PPFIA2: variants seen among roughly 807,000 people sequenced by gnomAD.
PPFIA2 encodes the protein PPFI scaffold protein A2.
In PPFIA2, 46 loss-of-function variants were observed where a neutral mutation model predicts 175.5. The observed-to-expected ratio is 0.26, with a 90% CI of 0.21 to 0.34. The LOEUF (loss-of-function observed/expected upper bound fraction) is 0.34. Among genes scored for constraint, PPFIA2 ranks in the 10% least tolerant of loss-of-function variants. The probability of loss-of-function intolerance (pLI) is 1.00; values close to 1 mark genes in which losing one functional copy is unlikely to be tolerated. For missense variants in PPFIA2, 1,179 were observed against 1,506.1 expected, an observed-to-expected ratio of 0.78 and a Z score of 3.60; for synonymous variants, 568 against 511.4, an observed-to-expected ratio of 1.11 and a Z score of -1.49.
At chr12:81,317,752 T>C (rs1265335169) in intron 22 of PPFIA2, among the ~76,000 whole-genome samples, 6 of 151,690 alleles carry the variant, frequency 4.0e-5, no homozygotes, top group Admixed American at 4.0e-4. Context: ...GTATTTTAAA[T>C]ACTTACAATA....
At chr12:81,270,284 C>T (rs1306770672) in intron 28 of PPFIA2, among the ~76,000 whole-genome samples, 3 of 152,068 alleles carry the variant, frequency 2.0e-5, no homozygotes, top group African/African-American at 7.2e-5. Context: ...TTGTATTTCT[C>T]ATTTTTGTTC....
At chr12:81,437,286 G>T (rs2049238938) in intron 7 of PPFIA2, among the ~76,000 whole-genome samples, 1 of 152,162 alleles carries the variant, frequency 6.6e-6, no homozygotes, top group African/African-American at 2.4e-5. Context: ...CTGGAGTGCA[G>T]TGGCGCGATC....
intron 21 of PPFIA2, among the ~76,000 whole-genome samples, chr12:81,338,681 A>AT (rs911246244): frequency 4.5e-4 from 68 of 152,126 alleles, no homozygotes; most frequent in African/African-American, 1.6e-3. Context: ...ATTCTTTTTA[A>AT]TTTTTTGTAG....
intron 8 of PPFIA2, among the ~76,000 whole-genome samples, chr12:81,392,502 G>A (rs571872844): frequency 5.9e-5 from 9 of 151,908 alleles, no homozygotes; most frequent in South Asian, 2.1e-4. Context: ...GTAGGGGGTC[G>A]TCAAAGATGA....
intron 7 of PPFIA2, among the ~76,000 whole-genome samples, chr12:81,420,844 C>T (rs1325676958): frequency 6.6e-6 from 1 of 150,962 alleles, no homozygotes; most frequent in African/African-American, 2.4e-5. Flanking sequence ...TAAGATCAAC[C>T]CCAAAACACT....
At chr12:81,632,509 T>C (rs1181043189) in intron 4 of PPFIA2, among the ~76,000 whole-genome samples, 1 of 152,128 alleles carries the variant, frequency 6.6e-6, no homozygotes, top group African/African-American at 2.4e-5. Context: ...GCAAAAGTAG[T>C]TTGCAAAGAG....
At chr12:81,400,331 A>G (rs2041903661) in intron 8 of PPFIA2, among the ~76,000 whole-genome samples, 2 of 152,186 alleles carry the variant, frequency 1.3e-5, no homozygotes, top group Non-Finnish European at 2.9e-5. Flanking sequence ...ATTCTAAAAC[A>G]GCATTGTATT....
At chr12:81,627,664 T>G (rs559556236) in intron 4 of PPFIA2, among the ~76,000 whole-genome samples, 1 of 152,178 alleles carries the variant, frequency 6.6e-6, no homozygotes, top group Admixed American at 6.6e-5. Flanking sequence ...TGGAACTCTT[T>G]TATACATTCT....
At chr12:81,689,954 T>A (rs2075023636) in intron 3 of PPFIA2, among the ~76,000 whole-genome samples, 1 of 152,100 alleles carries the variant, frequency 6.6e-6, no homozygotes, top group South Asian at 2.1e-4. Context: ...ATACAGACAG[T>A]CCTTACTTGG....
At chr12:81,375,587 A>T (rs2036177058) in intron 10 of PPFIA2, 3 of 578,632 alleles carry the variant, frequency 5.2e-6, no homozygotes. Context: ...AATCAGAGTC[A>T]TTATTTGTAT....
At chr12:81,282,845 A>G (rs1009641196) in intron 26 of PPFIA2, 165 bp downstream of exon 26, 11 of 465,486 alleles carry the variant, frequency 2.4e-5, no homozygotes, top group African/African-American at 1.4e-4. Context: ...GTAACTTAAA[A>G]AGACATATAA....
rs1283118705 is a variant in PPFIA2, at chr12:81,258,175, A to C, written c.*1519T>G. 1.3e-5 allele frequency: 2 copies of C among 152,162 alleles called. No homozygotes were observed. Among genetic ancestry groups the C allele is most frequent in the African/African-American group, 2.4e-5 (1 of 41,460 alleles). 9.4% of individuals were successfully genotyped at this position (152,162 alleles called of 1,614,324 possible). A position where few individuals can be genotyped will look rare whatever the true frequency, so the allele number is the denominator to read the frequency against. On this transcript the variant is annotated 3_prime_UTR_variant, in exon 33 of 33. Transcript: ENST00000549396. The stretch of plus-strand genomic sequence containing the variant: ...GTGGCAGACTCAATTTTGAAGCTAA[A>C]TATTTGGGTCACCCAAAGAACACAT...
chr12:81,632,276 C>T (rs2063477846), intron 4 of PPFIA2, among the ~76,000 whole-genome samples: 1 of 151,880 alleles, frequency 6.6e-6, no homozygotes, highest in African/African-American at 2.4e-5. Flanking sequence ...CAGACATCAC[C>T]CCAAATCATT....
At chr12:81,388,327 C>A (rs937012193) in intron 8 of PPFIA2, among the ~76,000 whole-genome samples, 1 of 152,150 alleles carries the variant, frequency 6.6e-6, no homozygotes, top group East Asian at 1.9e-4. Context: ...AAACATATTA[C>A]TGATCTCTCC....
intron 7 of PPFIA2, among the ~76,000 whole-genome samples, chr12:81,438,792 T>C (rs1291783092): frequency 1.3e-5 from 2 of 152,154 alleles, no homozygotes; most frequent in African/African-American, 4.8e-5. Context: ...ACATTAACTA[T>C]TTATCTTTAC....
intron 3 of PPFIA2, among the ~76,000 whole-genome samples, chr12:81,745,674 G>C (rs1383056544): frequency 6.6e-6 from 1 of 152,144 alleles, no homozygotes. Flanking sequence ...CCCTCATGAG[G>C]ACCGCAGTTG....
chr12:81,722,175 G>A (rs2079445154), intron 3 of PPFIA2, among the ~76,000 whole-genome samples: 2 of 151,022 alleles, frequency 1.3e-5, no homozygotes, highest in Admixed American at 6.6e-5. Flanking sequence ...TAACCTAGGA[G>A]TATTCAATGT....
intron 4 of PPFIA2, among the ~76,000 whole-genome samples, chr12:81,540,275 G>T (rs989845483): frequency 6.6e-6 from 1 of 151,994 alleles, no homozygotes; most frequent in Non-Finnish European, 1.5e-5. Context: ...TATTTAAATA[G>T]AAATATTTAT....
intron 4 of PPFIA2, among the ~76,000 whole-genome samples, chr12:81,660,361 T>C (rs1464307912): frequency 6.6e-6 from 1 of 152,160 alleles, no homozygotes; most frequent in Non-Finnish European, 1.5e-5. Flanking sequence ...AAGGACCTGA[T>C]GGACCTGAAA....
Sources: gnomAD v4.1 joint callset for allele counts (sites outside exome capture counted in the v4.1 genomes callset) on GRCh38, gnomAD v4.1.1 for gene constraint, MANE v1.5 for transcripts, NCBI Gene and HGNC (gene_info 2026-07-23, HGNC 2026-07-21) for gene names.